Variants in PSMD5 observed in about 807,000 individuals in gnomAD.
PSMD5 encodes proteasome 26S subunit, non-ATPase 5.
In PSMD5, 40 loss-of-function variants were observed where a neutral mutation model predicts 52.1. The ratio of observed to expected loss-of-function variants is 0.77; its 90% CI spans 0.60 to 1.00. The LOEUF (loss-of-function observed/expected upper bound fraction) is 1.00. Among genes scored for constraint, PSMD5 ranks in the 50% least tolerant of loss-of-function variants. The probability of loss-of-function intolerance (pLI) is 0.00; values close to 1 mark genes in which losing one functional copy is unlikely to be tolerated. For missense variants in PSMD5, 575 were observed against 605.2 expected, an observed-to-expected ratio of 0.95 and a Z score of 0.52; for synonymous variants, 211 against 226.6, an observed-to-expected ratio of 0.93 and a Z score of 0.62.
intron 6 of PSMD5, among the ~76,000 whole-genome samples, chr9:120,826,176 A>T (rs186088373): frequency 1.3e-5 from 2 of 151,916 alleles, no homozygotes; most frequent in African/African-American, 4.8e-5. Flanking sequence ...TTGTATTTTT[A>T]GTTGAGATGG....
intron 1 of PSMD5, 56 bp downstream of exon 1, chr9:120,842,681 A>T (rs2045248608): frequency 8.1e-6 from 13 of 1,597,236 alleles, no homozygotes; most frequent in Non-Finnish European, 1.1e-5. Context: ...AACCACTCTC[A>T]TGTCCATATT....
rs540326753 is a variant in PSMD5 at position 120,821,125 on chromosome 9, A to T, written c.1117-146T>A. 65 of 1,027,952 alleles carry T rather than the reference A, an allele frequency of 6.3e-5. No individual in the cohort carries two copies. The African/African-American group carries it at 9.6e-4, about 15-fold the overall frequency. The allele number at this position is 1,027,952 out of a possible 1,614,324, so 63.7% of individuals were successfully genotyped here. A position where few individuals can be genotyped will look rare whatever the true frequency, so the allele number is the denominator to read the frequency against. On this transcript the variant is annotated intron_variant, in intron 8 of 9. Transcript: ENST00000210313. Reference sequence around the variant, plus strand: ...GCTAAGTCTGGAGGACTCTTTCTCAAATCCAGCCCAGACCTTTCCCAGTTT... The same window carrying T: ...GCTAAGTCTGGAGGACTCTTTCTCATATCCAGCCCAGACCTTTCCCAGTTT...
At position 120,829,963 on chromosome 9, in the gene PSMD5, C is replaced by G. The variant is rs1444996996; in HGVS notation, c.562-755G>C. 2.0e-5 allele frequency among the ~76,000 whole-genome samples: 3 copies of G among 152,082 alleles called. No individual in the cohort carries two copies. In the East Asian group the frequency reaches 5.8e-4, roughly 29 times the overall value. On this transcript the variant is annotated intron_variant, in intron 4 of 9. Coordinates refer to ENST00000210313, the MANE Select transcript of PSMD5 (RefSeq NM_005047.4). ...CAATCAGATTTGGACTTTTAAAAGA[C>G]CATTCTGACTGCATGAGAAGATAGA... is the stretch of plus-strand genomic sequence containing the variant.
intron 1 of PSMD5, among the ~76,000 whole-genome samples, chr9:120,838,899 T>TG (rs2045215741): frequency 6.6e-6 from 1 of 152,156 alleles, no homozygotes; most frequent in South Asian, 2.1e-4. Flanking sequence ...ATGAACAAAA[T>TG]GCGGTCACTG....
chr9:120,829,022 A>G, intron 5 of PSMD5, 77 bp downstream of exon 5: 1 of 1,410,692 alleles, frequency 7.1e-7, no homozygotes, highest in Admixed American at 2.7e-5. Flanking sequence ...TCTAATAGAG[A>G]AAATCACAGA....
intron 6 of PSMD5, 200 bp from the exon 7 acceptor site, chr9:120,824,885 A>G (rs547897069): frequency 5.1e-5 from 24 of 469,394 alleles, no homozygotes; most frequent in Middle Eastern, 4.5e-4. Flanking sequence ...GAGGGCGTCA[A>G]TGGAGCTGGG....
intron 4 of PSMD5, among the ~76,000 whole-genome samples, chr9:120,830,828 A>C (rs550346827): frequency 1.1e-3 from 161 of 152,094 alleles, no homozygotes; most frequent in African/African-American, 3.8e-3. Context: ...TACTACTACA[A>C]ATTTTTTCAA....
At position 120,826,796 on chromosome 9, in the gene PSMD5, A is replaced by G; in HGVS notation, c.783T>C (p.Asp261=). 6.2e-7 allele frequency: 1 copy of G among 1,613,952 alleles called. No individual in the cohort carries two copies. Among genetic ancestry groups the G allele is most frequent in the Non-Finnish European group, 8.5e-7 (1 of 1,179,830 alleles). ...GATAGAAGCTAGAGAAAGGGTCTGAATCTGCCCCAACAATTATATTAGAAA... is the reference window on the plus strand; with the variant it reads ...GATAGAAGCTAGAGAAAGGGTCTGAGTCTGCCCCAACAATTATATTAGAAA... ...DQISNIIVGA[D]SDPFSSFYLP... The change falls in exon 6 of 10, where the codon GAT becomes GAC. Residue 261 remains aspartate (D), a synonymous_variant. Transcript: ENST00000210313.
At chr9:120,822,086 C>A (rs1183402182) in intron 7 of PSMD5, among the ~76,000 whole-genome samples, 1 of 152,100 alleles carries the variant, frequency 6.6e-6, no homozygotes, top group Admixed American at 6.5e-5. Context: ...GTTACAATTT[C>A]TCCACATCCT....
intron 1 of PSMD5, chr9:120,842,388 T>G (rs1280298824): frequency 7.1e-6 from 2 of 280,006 alleles, no homozygotes; most frequent in Non-Finnish European, 1.4e-5. Context: ...TAGGATCCTT[T>G]TAGAAGGGGA....
intron 1 of PSMD5, among the ~76,000 whole-genome samples, chr9:120,837,044 T>C (rs1338347771): frequency 6.6e-6 from 1 of 151,944 alleles, no homozygotes; most frequent in African/African-American, 2.4e-5. Flanking sequence ...TGCCTGCCAC[T>C]ATGCCTGGCT....
Position 120,821,474 on chromosome 9 carries a change from A to T in PSMD5, c.1007-10T>A. 1 of 1,531,554 alleles carries T rather than the reference A, an allele frequency of 6.5e-7. No homozygotes were observed. The highest frequency in any genetic ancestry group is 8.9e-7 in the Non-Finnish European group (1 of 1,127,824). 94.9% of individuals were successfully genotyped at this position (1,531,554 alleles called of 1,614,324 possible). ...CGTTCAAAGCGAGTTCCTTTGAAGG[A>T]TAACAGTGAGATTCTTCTTTATTAT... On this transcript the variant is annotated splice_polypyrimidine_tract_variant and intron_variant, in intron 7 of 9. Transcript: ENST00000210313.
chr9:120,831,537 G>C (rs2045160051), intron 3 of PSMD5, 78 bp from the exon 4 acceptor site: 3 of 1,459,876 alleles, frequency 2.1e-6, no homozygotes, highest in East Asian at 2.3e-5. Context: ...TGTAAAAATA[G>C]TGCATGGAAT....
intron 1 of PSMD5, among the ~76,000 whole-genome samples, chr9:120,839,998 C>A (rs1025534475): frequency 1.3e-5 from 2 of 150,902 alleles, no homozygotes; most frequent in Non-Finnish European, 3.0e-5. Flanking sequence ...GGTGGTGGCA[C>A]GTGCCTATAG....
chr9:120,829,342 T>A, intron 4 of PSMD5, 134 bp from the exon 5 acceptor site: 1 of 1,133,552 alleles, frequency 8.8e-7, no homozygotes, highest in Non-Finnish European at 1.1e-6. Flanking sequence ...TATTTGTCTC[T>A]TTAAGTAGAA....
intron 7 of PSMD5, among the ~76,000 whole-genome samples, chr9:120,823,214 C>CT (rs1322695765): frequency 0.011 from 1,490 of 139,770 alleles, 7 homozygotes; most frequent in African/African-American, 0.015. Flanking sequence ...TTCTTTCTTT[C>CT]TTTTTTTTTT....
chr9:120,831,534 A>G, intron 3 of PSMD5, 75 bp from the exon 4 acceptor site: 1 of 1,473,102 alleles, frequency 6.8e-7, no homozygotes, highest in Admixed American at 2.2e-5. Flanking sequence ...TGATGTAAAA[A>G]TAGTGCATGG....
At chr9:120,842,532 G>A (rs1588075050) in intron 1 of PSMD5, 1 of 618,812 alleles carries the variant, frequency 1.6e-6, no homozygotes, top group African/African-American at 1.9e-5. Flanking sequence ...CAGGCGACGG[G>A]AGAAAACACC....
chr9:120,834,630 C>G (rs1263300300), intron 1 of PSMD5, among the ~76,000 whole-genome samples: 1 of 152,174 alleles, frequency 6.6e-6, no homozygotes, highest in African/African-American at 2.4e-5. Context: ...AGGTGAAGGA[C>G]AAGAACTGAA....
Sources: allele counts gnomAD v4.1 joint callset (sites outside exome capture counted in the v4.1 genomes callset), GRCh38; gene constraint gnomAD v4.1.1; transcripts MANE v1.5; gene names NCBI Gene and HGNC (gene_info 2026-07-23, HGNC 2026-07-21).